CFAP95: variants seen among roughly 807,000 people sequenced by gnomAD.
The protein encoded by CFAP95 is cilia and flagella associated protein 95, also known as cilia- and flagella-associated protein 95.
chr9:69,894,923 C>T, the CFAP95 span, among the ~76,000 whole-genome samples: 8 of 151,102 alleles, frequency 5.3e-5, no homozygotes, highest in South Asian at 1.5e-3. Context: ...ATTAGTTGGG[C>T]CTGGTGGCAG....
chr9:69,888,709 C>T, the CFAP95 span, among the ~76,000 whole-genome samples: 1 of 152,036 alleles, frequency 6.6e-6, no homozygotes, highest in Non-Finnish European at 1.5e-5. Flanking sequence ...AACCTTGTCT[C>T]TACTAAAAAA....
chr9:69,858,101 C>T, the CFAP95 span: 461 of 767,212 alleles, frequency 6.0e-4, 2 homozygotes, highest in South Asian at 5.3e-3. Flanking sequence ...ATGACATCTT[C>T]GACTTGCCTT....
At chr9:69,820,865 A>G in the CFAP95 span, 5 of 1,613,174 alleles carry the variant, frequency 3.1e-6, no homozygotes, top group South Asian at 4.4e-5. Flanking sequence ...AGAGGTCTGT[A>G]CCTCGAGGGC....
the CFAP95 span, among the ~76,000 whole-genome samples, chr9:69,899,027 T>C: frequency 6.6e-6 from 1 of 152,198 alleles, no homozygotes. Context: ...AATGACTCTT[T>C]CATTCTGCAT....
the CFAP95 span, among the ~76,000 whole-genome samples, chr9:69,880,132 G>A: frequency 1.3e-5 from 2 of 152,118 alleles, no homozygotes; most frequent in African/African-American, 4.8e-5. Context: ...TATCCTTTGT[G>A]TTACAAACAA....
At chr9:69,885,457 T>C in the CFAP95 span, among the ~76,000 whole-genome samples, 1 of 152,328 alleles carries the variant, frequency 6.6e-6, no homozygotes, top group Non-Finnish European at 1.5e-5. Context: ...GATTCTTGGC[T>C]GCAGTTGGAG....
At chr9:69,841,030 G>T in the CFAP95 span, among the ~76,000 whole-genome samples, 1 of 151,100 alleles carries the variant, frequency 6.6e-6, no homozygotes, top group Admixed American at 6.6e-5. Context: ...TATATGGTAG[G>T]ATCATTAGGG....
the CFAP95 span, among the ~76,000 whole-genome samples, chr9:69,852,608 T>A: frequency 6.6e-6 from 1 of 152,096 alleles, no homozygotes; most frequent in Non-Finnish European, 1.5e-5. Flanking sequence ...GGGGTCTCAC[T>A]CATGCTTGAC....
At chr9:69,875,557 G>C in the CFAP95 span, among the ~76,000 whole-genome samples, 1 of 152,120 alleles carries the variant, frequency 6.6e-6, no homozygotes, top group Non-Finnish European at 1.5e-5. Flanking sequence ...TACACGAGTG[G>C]AGAGATACCC....
the CFAP95 span, among the ~76,000 whole-genome samples, chr9:69,872,879 G>A: frequency 6.6e-6 from 1 of 152,144 alleles, no homozygotes; most frequent in East Asian, 1.9e-4. Context: ...AAAGAAAGAG[G>A]CAGACAAATC....
At chr9:69,831,267 G>C in the CFAP95 span, among the ~76,000 whole-genome samples, 2 of 151,852 alleles carry the variant, frequency 1.3e-5, no homozygotes, top group Admixed American at 1.3e-4. Flanking sequence ...GACAGTGATA[G>C]GATAAAATTT....
chr9:69,886,975 A>G, the CFAP95 span: 1 of 1,084,840 alleles, frequency 9.2e-7, no homozygotes, highest in South Asian at 1.4e-5. Context: ...AAACTTGGGA[A>G]GAAAGGAGAA....
At chr9:69,890,044 G>A in the CFAP95 span, among the ~76,000 whole-genome samples, 3 of 152,062 alleles carry the variant, frequency 2.0e-5, no homozygotes, top group African/African-American at 7.2e-5. Flanking sequence ...AATGTAACAA[G>A]TGTGATGGTT....
chr9:69,820,947 C>T, the CFAP95 span: 1 of 1,614,074 alleles, frequency 6.2e-7, no homozygotes, highest in Non-Finnish European at 8.5e-7. Context: ...GAGATCGGAC[C>T]ACCGGACTTG....
chr9:69,835,786 A>T, the CFAP95 span, among the ~76,000 whole-genome samples: 1 of 152,288 alleles, frequency 6.6e-6, no homozygotes, highest in East Asian at 2.0e-4. Flanking sequence ...AAACAATATG[A>T]AAGGTGCGGC....
the CFAP95 span, chr9:69,886,911 G>T: frequency 1.3e-6 from 2 of 1,598,348 alleles, no homozygotes; most frequent in Non-Finnish European, 1.7e-6. Flanking sequence ...TACAAGAACC[G>T]TAGTCTTCTA....
chr9:69,900,176 C>T, the CFAP95 span, among the ~76,000 whole-genome samples: 1 of 151,984 alleles, frequency 6.6e-6, no homozygotes, highest in African/African-American at 2.4e-5. Context: ...AGCTGTGAGT[C>T]CTCCTAGATC....
the CFAP95 span, among the ~76,000 whole-genome samples, chr9:69,886,355 G>T: frequency 6.6e-6 from 1 of 152,138 alleles, no homozygotes; most frequent in South Asian, 2.1e-4. Context: ...ATCGTATGCT[G>T]AGGTTGCTAA....
chr9:69,880,539 T>C, the CFAP95 span, among the ~76,000 whole-genome samples: 1 of 152,224 alleles, frequency 6.6e-6, no homozygotes, highest in African/African-American at 2.4e-5. Context: ...AAGTACCACA[T>C]TTTCTCTATC....
Sources: allele counts gnomAD v4.1 joint callset (sites outside exome capture counted in the v4.1 genomes callset), GRCh38; gene constraint gnomAD v4.1.1; transcripts MANE v1.5; gene names NCBI Gene and HGNC (gene_info 2026-07-23, HGNC 2026-07-21).